PCDH9: variants seen among roughly 807,000 people sequenced by gnomAD.
The protein encoded by PCDH9 is protocadherin 9.
PCDH9 carries 24 observed loss-of-function variants against 70.6 expected under a neutral mutation model. The observed-to-expected ratio is 0.34, with a 90% CI of 0.25 to 0.48. The LOEUF is 0.48. PCDH9 is among the 20% of genes least tolerant of loss of function. The pLI, the probability that PCDH9 is intolerant of heterozygous loss-of-function variation, is 0.99. For synonymous variants in PCDH9, 562 were observed against 558.5 expected, an observed-to-expected ratio of 1.01 and a Z score of -0.09; for missense variants, 1,281 against 1,503.6, an observed-to-expected ratio of 0.85 and a Z score of 2.45.
At chr13:66,520,543 C>T (rs1014342157) in intron 4 of PCDH9, among the ~76,000 whole-genome samples, 17 of 152,320 alleles carry the variant, frequency 1.1e-4, no homozygotes, top group African/African-American at 4.1e-4. Flanking sequence ...TGGGAACAGA[C>T]ATGCTTCATT....
At chr13:66,943,629 G>T (rs1022500252) in intron 2 of PCDH9, among the ~76,000 whole-genome samples, 4 of 152,032 alleles carry the variant, frequency 2.6e-5, no homozygotes. Flanking sequence ...TCAAGTTACA[G>T]CTTTTCTCTG....
chr13:66,465,791 T>C (rs904875540), intron 4 of PCDH9, among the ~76,000 whole-genome samples: 2 of 151,900 alleles, frequency 1.3e-5, no homozygotes, highest in African/African-American at 4.8e-5. Flanking sequence ...AATGCATAAG[T>C]TTCTAACTGG....
At chr13:66,770,515 G>C (rs112366923) in intron 3 of PCDH9, among the ~76,000 whole-genome samples, 1 of 152,154 alleles carries the variant, frequency 6.6e-6, no homozygotes, top group Non-Finnish European at 1.5e-5. Context: ...TTCATGCCTA[G>C]TAGGCTAACC....
chr13:66,885,054 C>T (rs935040871), intron 3 of PCDH9, among the ~76,000 whole-genome samples: 4 of 152,120 alleles, frequency 2.6e-5, no homozygotes, highest in Non-Finnish European at 5.9e-5. Context: ...TTTTTCCATC[C>T]TCTGCCCCTC....
chr13:66,716,696 T>G (rs1426600656), intron 3 of PCDH9, among the ~76,000 whole-genome samples: 1 of 152,182 alleles, frequency 6.6e-6, no homozygotes, highest in African/African-American at 2.4e-5. Flanking sequence ...CTCTCCTGAT[T>G]ATAAAATTTC....
chr13:66,333,053 A>G (rs139118435), intron 4 of PCDH9, among the ~76,000 whole-genome samples: 1,570 of 152,194 alleles, frequency 0.01, 15 homozygotes, highest in Middle Eastern at 0.037. Context: ...ACAACTGCAA[A>G]GACTTTTAAT....
At chr13:66,683,449 G>A (rs936435023) in intron 3 of PCDH9, among the ~76,000 whole-genome samples, 3 of 152,146 alleles carry the variant, frequency 2.0e-5, no homozygotes, top group Non-Finnish European at 2.9e-5. Flanking sequence ...CAGCCACTGG[G>A]ATAATGCTAT....
At chr13:66,812,442 T>A (rs1454382166) in intron 3 of PCDH9, among the ~76,000 whole-genome samples, 2 of 152,198 alleles carry the variant, frequency 1.3e-5, no homozygotes, top group South Asian at 2.1e-4. Context: ...GAATAGACAC[T>A]GATAAATCAC....
At chr13:66,746,333 C>A (rs1290086518) in intron 3 of PCDH9, among the ~76,000 whole-genome samples, 2 of 152,264 alleles carry the variant, frequency 1.3e-5, no homozygotes, top group Admixed American at 1.3e-4. Context: ...TAAAAACTCT[C>A]TCAATATTTG....
At chr13:66,852,187 T>C (rs1258969315) in intron 3 of PCDH9, among the ~76,000 whole-genome samples, 2 of 152,084 alleles carry the variant, frequency 1.3e-5, no homozygotes, top group South Asian at 2.1e-4. Context: ...CCTCAATCCA[T>C]AGTAGCTCTA....
intron 2 of PCDH9, among the ~76,000 whole-genome samples, chr13:67,116,880 G>A (rs921973440): frequency 4.6e-5 from 7 of 152,074 alleles, no homozygotes; most frequent in African/African-American, 1.4e-4. Flanking sequence ...TCTGGCAAAC[G>A]TATATTGTCC....
At chr13:66,822,324 A>G (rs976237036) in intron 3 of PCDH9, among the ~76,000 whole-genome samples, 12 of 152,184 alleles carry the variant, frequency 7.9e-5, no homozygotes, top group African/African-American at 2.9e-4. Flanking sequence ...CATTAAGTTA[A>G]ATGAAAGTTA....
intron 3 of PCDH9, among the ~76,000 whole-genome samples, chr13:66,699,156 C>CA (rs2078603775): frequency 6.6e-6 from 1 of 152,002 alleles, no homozygotes; most frequent in East Asian, 1.9e-4. Context: ...TTAAGTGATC[C>CA]TCCTTCGTTG....
intron 2 of PCDH9, among the ~76,000 whole-genome samples, chr13:67,023,829 A>C (rs1367362831): frequency 6.6e-6 from 1 of 152,214 alleles, no homozygotes; most frequent in Non-Finnish European, 1.5e-5. Context: ...TGAAAAGAAT[A>C]AAACTTAAAT....
intron 2 of PCDH9, among the ~76,000 whole-genome samples, chr13:67,140,857 T>C (rs996348879): frequency 6.6e-6 from 1 of 152,204 alleles, no homozygotes; most frequent in Non-Finnish European, 1.5e-5. Context: ...AAGTCAATTA[T>C]AAAGTGAACA....
chr13:67,157,068 T>C (rs1171251623), intron 2 of PCDH9, among the ~76,000 whole-genome samples: 1 of 152,224 alleles, frequency 6.6e-6, no homozygotes, highest in East Asian at 1.9e-4. Flanking sequence ...CTTTATAAAA[T>C]AAATTGCTTA....
In PCDH9 at chr13:67,178,318, T is replaced by G. The variant is rs2088521377; in HGVS notation, c.3036+47087A>C. ...GTACAATGTTTGGCAAATCATTTAC[T>G]TCTTTATGTCTCAAGTCTTTCAACT... On this transcript the variant is annotated intron_variant, in intron 2 of 4. Coordinates refer to ENST00000377865, the MANE Select transcript of PCDH9 (RefSeq NM_203487.3). 3.3e-5 allele frequency among the ~76,000 whole-genome samples: 5 copies of G among 152,186 alleles called. No homozygotes were observed. The South Asian group carries it at 1.0e-3, about 32-fold the overall frequency.
At chr13:66,934,336 A>G (rs1168816366) in intron 2 of PCDH9, among the ~76,000 whole-genome samples, 1 of 152,090 alleles carries the variant, frequency 6.6e-6, no homozygotes, top group Non-Finnish European at 1.5e-5. Context: ...GTTCACGACC[A>G]GTCTGGCCAC....
At chr13:66,310,023 AT>A (rs1440258561) in intron 4 of PCDH9, among the ~76,000 whole-genome samples, 2 of 151,974 alleles carry the variant, frequency 1.3e-5, no homozygotes, top group Admixed American at 1.3e-4. Flanking sequence ...ATAATCTATC[AT>A]AAATTTTTTA....
Sources: gnomAD v4.1 joint callset for allele counts (sites outside exome capture counted in the v4.1 genomes callset) on GRCh38, gnomAD v4.1.1 for gene constraint, MANE v1.5 for transcripts, NCBI Gene and HGNC (gene_info 2026-07-23, HGNC 2026-07-21) for gene names.